EYS: variants seen among roughly 807,000 people sequenced by gnomAD.
The protein encoded by EYS is protein eyes shut homolog.
EYS carries 250 observed loss-of-function variants against 282.1 expected under a neutral mutation model. The observed-to-expected ratio is 0.89, with a 90% confidence interval of 0.80 to 0.98. The LOEUF is 0.98. EYS is among the 50% of genes least tolerant of loss of function. The pLI is 0.00. For synonymous variants in EYS, 1,355 were observed against 1,282.9 expected (o/e 1.06, Z -1.20); for missense variants, 4,016 against 3,709.0 (o/e 1.08, Z -2.15).
At chr6:65,577,871 A>G (rs2127357972) in intron 2 of EYS, among the ~76,000 whole-genome samples, 1 of 152,054 alleles carries the variant, frequency 6.6e-6, no homozygotes, top group South Asian at 2.1e-4. Flanking sequence ...ATGTAAATCA[A>G]TCCACAATGA....
At chr6:64,074,845 A>T (rs538235578) in intron 32 of EYS, among the ~76,000 whole-genome samples, 1 of 151,964 alleles carries the variant, frequency 6.6e-6, no homozygotes, top group Non-Finnish European at 1.5e-5. Flanking sequence ...TACATTTCAA[A>T]CCTTGTGAAG....
chr6:63,902,960 G>T (rs933262067), intron 35 of EYS, among the ~76,000 whole-genome samples: 1 of 152,202 alleles, frequency 6.6e-6, no homozygotes, highest in Admixed American at 6.5e-5. Flanking sequence ...CTAGGTGTTA[G>T]AGAAGAAAGG....
At chr6:64,240,002 A>G (rs1244087175) in intron 30 of EYS, among the ~76,000 whole-genome samples, 1 of 152,190 alleles carries the variant, frequency 6.6e-6, no homozygotes, top group Non-Finnish European at 1.5e-5. Flanking sequence ...ACCGTTTATT[A>G]AATAGGAAAT....
intron 31 of EYS, among the ~76,000 whole-genome samples, chr6:64,092,564 C>A (rs965923513): frequency 2.6e-5 from 4 of 152,160 alleles, no homozygotes; most frequent in Non-Finnish European, 4.4e-5. Context: ...TGAGAAATGT[C>A]TGTTCATATC....
intron 12 of EYS, among the ~76,000 whole-genome samples, chr6:65,176,770 T>C (rs551590346): frequency 1.3e-5 from 2 of 151,806 alleles, no homozygotes; most frequent in African/African-American, 4.8e-5. Flanking sequence ...TTGCAATTAT[T>C]TTTTTAAAAT....
At chr6:64,126,540 C>T (rs890881416) in intron 31 of EYS, among the ~76,000 whole-genome samples, 1 of 151,962 alleles carries the variant, frequency 6.6e-6, no homozygotes, top group Non-Finnish European at 1.5e-5. Flanking sequence ...AAGGTTCTTC[C>T]ACCAAAACAT....
intron 26 of EYS, among the ~76,000 whole-genome samples, chr6:64,582,782 A>G (rs1753337601): frequency 6.6e-6 from 1 of 152,154 alleles, no homozygotes; most frequent in African/African-American, 2.4e-5. Context: ...GACTAGTGGG[A>G]ATGAAATGCA....
At chr6:64,318,348 G>C (rs904844284) in intron 29 of EYS, among the ~76,000 whole-genome samples, 2 of 151,944 alleles carry the variant, frequency 1.3e-5, no homozygotes, top group Non-Finnish European at 2.9e-5. Context: ...GAAAGTTGAA[G>C]TCAGTGGATT....
chr6:65,196,866 T>A (rs1352469892), intron 12 of EYS, among the ~76,000 whole-genome samples: 1 of 151,840 alleles, frequency 6.6e-6, no homozygotes, highest in Non-Finnish European at 1.5e-5. Flanking sequence ...GGTAGGGAAT[T>A]TATAGGTGTG....
chr6:65,602,178 A>G (rs528318918), intron 2 of EYS, among the ~76,000 whole-genome samples: 2 of 152,042 alleles, frequency 1.3e-5, no homozygotes, highest in African/African-American at 4.8e-5. Context: ...CCATTCCTCC[A>G]AAACTTAAAA....
At chr6:63,741,546 A>T (rs7764184) in intron 41 of EYS, among the ~76,000 whole-genome samples, 54,925 of 152,042 alleles carry the variant, frequency 0.36, 10,717 homozygotes, top group African/African-American at 0.5. Flanking sequence ...ATCAAAGATC[A>T]AGAAAAAGAT....
intron 30 of EYS, among the ~76,000 whole-genome samples, chr6:64,231,963 T>C (rs1026184523): frequency 5.3e-5 from 8 of 152,208 alleles, no homozygotes; most frequent in African/African-American, 1.4e-4. Flanking sequence ...AGATAAAACC[T>C]TAGCAAAAGA....
At chr6:65,305,395 T>C (rs1017002927) in intron 11 of EYS, among the ~76,000 whole-genome samples, 14 of 152,210 alleles carry the variant, frequency 9.2e-5, no homozygotes, top group African/African-American at 3.4e-4. Flanking sequence ...AAGGACCAAA[T>C]TTTATGCTAC....
intron 31 of EYS, among the ~76,000 whole-genome samples, chr6:64,176,214 C>T (rs1324271550): frequency 2.6e-5 from 4 of 151,996 alleles, no homozygotes; most frequent in Admixed American, 2.6e-4. Flanking sequence ...GCTTAGAGGA[C>T]TGTGCAAATA....
chr6:65,442,208 G>C (rs1768358233), intron 5 of EYS, among the ~76,000 whole-genome samples: 1 of 151,710 alleles, frequency 6.6e-6, no homozygotes, highest in South Asian at 2.1e-4. Flanking sequence ...GCATTTCTTA[G>C]TGACTCCTGA....
chr6:65,358,368 G>A lies in EYS; in HGVS notation c.1300-4751C>T, dbSNP rs183637650. 5.0e-3 allele frequency among the ~76,000 whole-genome samples: 765 copies of A among 151,914 alleles called. 6 individuals carry two copies. Among genetic ancestry groups the A allele is most frequent in the African/African-American group, 0.017 (687 of 41,462 alleles). ...ATAAGTTCACTTATTATGGTATGGC[G>A]AATTTAAGGTGATCAACTTAACTGT... On this transcript the variant is annotated intron_variant, in intron 8 of 42. Coordinates refer to ENST00000503581, the MANE Select transcript of EYS (RefSeq NM_001142800.2).
At chr6:64,679,886 G>T (rs1361319922) in intron 22 of EYS, among the ~76,000 whole-genome samples, 1 of 151,906 alleles carries the variant, frequency 6.6e-6, no homozygotes, top group African/African-American at 2.4e-5. Context: ...ATATCCTAGA[G>T]ATTAGCTCTT....
intron 24 of EYS, among the ~76,000 whole-genome samples, chr6:64,605,747 A>G (rs564108993): frequency 6.6e-6 from 1 of 152,018 alleles, no homozygotes; most frequent in East Asian, 1.9e-4. Context: ...GATCTTTCCT[A>G]CTATTTTGGT....
At chr6:65,263,283 G>A (rs186960385) in intron 12 of EYS, among the ~76,000 whole-genome samples, 194 of 152,086 alleles carry the variant, frequency 1.3e-3, no homozygotes, top group South Asian at 2.9e-3. Flanking sequence ...TGAGGCTGCA[G>A]TGAGCTATGA....
Sources: gnomAD v4.1 joint callset for allele counts (sites outside exome capture counted in the v4.1 genomes callset) on GRCh38, gnomAD v4.1.1 for gene constraint, MANE v1.5 for transcripts, NCBI Gene and HGNC (gene_info 2026-07-23, HGNC 2026-07-21) for gene names.